The following KCNIP4 variants were observed in gnomAD, a reference collection of about 807,000 sequenced individuals.
KCNIP4 encodes Kv channel-interacting protein 4.
KCNIP4 carries 12 observed loss-of-function variants against 34.0 expected under a neutral mutation model. That is an observed-to-expected ratio of 0.35 (90% CI 0.23 to 0.57). The LOEUF (loss-of-function observed/expected upper bound fraction) is 0.57, where lower values mean the gene tolerates loss of function less well. Among genes scored for constraint, KCNIP4 ranks in the 20% least tolerant of loss-of-function variants. KCNIP4 has a pLI of 0.83. For synonymous variants in KCNIP4, 124 were observed against 102.2 expected, an observed-to-expected ratio of 1.21 and a Z score of -1.29; for missense variants, 238 against 311.7, an observed-to-expected ratio of 0.76 and a Z score of 1.78.
At chr4:21,044,124 G>T (rs994199647) in intron 1 of KCNIP4, among the ~76,000 whole-genome samples, 2 of 152,086 alleles carry the variant, frequency 1.3e-5, no homozygotes, top group Non-Finnish European at 2.9e-5. Context: ...AGCCCTAGCA[G>T]CTCCTGGAAG....
intron 3 of KCNIP4, among the ~76,000 whole-genome samples, chr4:20,768,817 T>A (rs920588724): frequency 6.6e-6 from 1 of 152,080 alleles, no homozygotes; most frequent in Admixed American, 6.6e-5. Flanking sequence ...AGTGGTTAAA[T>A]AGGCACTGCA....
intron 1 of KCNIP4, among the ~76,000 whole-genome samples, chr4:21,283,815 A>G (rs1762934241): frequency 6.6e-6 from 1 of 151,900 alleles, no homozygotes; most frequent in Non-Finnish European, 1.5e-5. Flanking sequence ...AAATAAATAA[A>G]TAAATAAATC....
chr4:20,881,581 A>T (rs1724686893), intron 2 of KCNIP4, among the ~76,000 whole-genome samples: 1 of 152,198 alleles, frequency 6.6e-6, no homozygotes, highest in South Asian at 2.1e-4. Flanking sequence ...TCTAAGTTAT[A>T]TAGCATCTTT....
At chr4:21,406,472 T>C (rs183885280) in intron 1 of KCNIP4, among the ~76,000 whole-genome samples, 1 of 152,152 alleles carries the variant, frequency 6.6e-6, no homozygotes, top group African/African-American at 2.4e-5. Context: ...AAAAAGCAAA[T>C]AGGCCAGTTT....
intron 1 of KCNIP4, among the ~76,000 whole-genome samples, chr4:21,411,635 C>A (rs763219667): frequency 1.3e-5 from 2 of 151,946 alleles, no homozygotes; most frequent in Non-Finnish European, 2.9e-5. Context: ...GACAACATGG[C>A]AAAACTCCAT....
At chr4:21,883,348 C>G (rs1007171354) in intron 1 of KCNIP4, among the ~76,000 whole-genome samples, 1 of 151,964 alleles carries the variant, frequency 6.6e-6, no homozygotes, top group Non-Finnish European at 1.5e-5. Flanking sequence ...CGAGCGCTTA[C>G]TAGTTGCCCA....
intron 1 of KCNIP4, among the ~76,000 whole-genome samples, chr4:21,512,774 T>C (rs1026946011): frequency 6.6e-6 from 1 of 152,214 alleles, no homozygotes; most frequent in Non-Finnish European, 1.5e-5. Context: ...GTAAAATCTA[T>C]TGGAAATGTT....
chr4:20,789,718 T>G (rs1712480827), intron 3 of KCNIP4, among the ~76,000 whole-genome samples: 1 of 151,536 alleles, frequency 6.6e-6, no homozygotes, highest in African/African-American at 2.4e-5. Flanking sequence ...TTTTCCTGGC[T>G]GCCAACCTGC....
intron 1 of KCNIP4, among the ~76,000 whole-genome samples, chr4:20,969,314 A>G (rs1734690814): frequency 1.3e-5 from 2 of 152,186 alleles, no homozygotes; most frequent in Non-Finnish European, 1.5e-5. Context: ...GAAAATTAAA[A>G]TTCCTAATAT....
intron 1 of KCNIP4, among the ~76,000 whole-genome samples, chr4:21,047,976 A>G (rs1258706618): frequency 6.6e-6 from 1 of 152,202 alleles, no homozygotes; most frequent in East Asian, 1.9e-4. Context: ...GGGCCTAGTT[A>G]TATGGTGGGA....
intron 1 of KCNIP4, among the ~76,000 whole-genome samples, chr4:21,859,277 T>C (rs1274303447): frequency 6.6e-6 from 1 of 152,078 alleles, no homozygotes; most frequent in Non-Finnish European, 1.5e-5. Flanking sequence ...ACACTTGACT[T>C]CCCTTCATCG....
At chr4:21,367,343 CT>C (rs1367955008) in intron 1 of KCNIP4, among the ~76,000 whole-genome samples, 1 of 152,130 alleles carries the variant, frequency 6.6e-6, no homozygotes, top group Non-Finnish European at 1.5e-5. Context: ...TGTCTTACTT[CT>C]ACCTTTTTGC....
At chr4:21,341,475 T>C (rs1716757913) in intron 1 of KCNIP4, among the ~76,000 whole-genome samples, 1 of 152,154 alleles carries the variant, frequency 6.6e-6, no homozygotes, top group African/African-American at 2.4e-5. Flanking sequence ...GATATCTTTA[T>C]GCAAAAGTGT....
intron 1 of KCNIP4, among the ~76,000 whole-genome samples, chr4:21,143,597 T>C (rs562507341): frequency 6.6e-6 from 1 of 152,336 alleles, no homozygotes; most frequent in African/African-American, 2.4e-5. Context: ...TAAATGGGTA[T>C]TGTTTTAAGC....
At chr4:21,459,276 G>C (rs1729240238) in intron 1 of KCNIP4, among the ~76,000 whole-genome samples, 1 of 152,018 alleles carries the variant, frequency 6.6e-6, no homozygotes, top group African/African-American at 2.4e-5. Flanking sequence ...TACCTAACCA[G>C]TGGCAGCATT....
At chr4:21,549,466 A>G (rs6836213) in intron 1 of KCNIP4, among the ~76,000 whole-genome samples, 5,961 of 151,720 alleles carry the variant, frequency 0.039, 109 homozygotes, top group East Asian at 0.05. Flanking sequence ...AGAGCCTGAC[A>G]TTTCTCTTGC....
chr4:21,595,337 C>A (rs1456204450), intron 1 of KCNIP4, among the ~76,000 whole-genome samples: 1 of 152,108 alleles, frequency 6.6e-6, no homozygotes, highest in African/African-American at 2.4e-5. Context: ...TTTTTTATGG[C>A]TAAATAGTAT....
intron 1 of KCNIP4, among the ~76,000 whole-genome samples, chr4:20,999,786 A>T (rs1312357490): frequency 6.6e-6 from 1 of 152,184 alleles, no homozygotes; most frequent in African/African-American, 2.4e-5. Context: ...GTTTTCAGAA[A>T]AAAAAATACC....
chr4:21,544,613 C>T (rs1197386379), intron 1 of KCNIP4: 1 of 152,186 alleles, frequency 6.6e-6, no homozygotes, highest in Admixed American at 6.6e-5. Flanking sequence ...CTCTCTGCAA[C>T]CAGAGGCTGC....
Sources: allele counts gnomAD v4.1 joint callset (sites outside exome capture counted in the v4.1 genomes callset), GRCh38; gene constraint gnomAD v4.1.1; transcripts MANE v1.5; gene names NCBI Gene and HGNC (gene_info 2026-07-23, HGNC 2026-07-21).